MAGI2: variants seen among roughly 807,000 people sequenced by gnomAD.
The protein encoded by MAGI2 is membrane-associated guanylate kinase, WW and PDZ domain-containing protein 2.
Under a neutral mutation model 133.3 loss-of-function variants are expected in MAGI2, and 35 were observed. The ratio of observed to expected loss-of-function variants is 0.26; its 90% CI spans 0.20 to 0.35. The LOEUF is 0.35. MAGI2 is among the 10% of genes least tolerant of loss of function. The pLI is 1.00. For synonymous variants in MAGI2, 729 were observed against 710.6 expected, an observed-to-expected ratio of 1.03 and a Z score of -0.41; for missense variants, 1,636 against 1,863.4, an observed-to-expected ratio of 0.88 and a Z score of 2.25.
intron 2 of MAGI2, among the ~76,000 whole-genome samples, chr7:78,925,427 G>T (rs1312610628): frequency 1.3e-5 from 2 of 151,920 alleles, no homozygotes; most frequent in South Asian, 2.1e-4. Context: ...ATTAAATATT[G>T]TAGATATTAG....
intron 1 of MAGI2, among the ~76,000 whole-genome samples, chr7:79,064,792 T>C (rs934793805): frequency 6.6e-6 from 1 of 152,128 alleles, no homozygotes; most frequent in Non-Finnish European, 1.5e-5. Flanking sequence ...GGTGGCTAGA[T>C]TCGGCTGTTT....
chr7:78,376,929 T>G lies in MAGI2; in HGVS notation c.1046-7716A>C, dbSNP rs183002231. On this transcript the variant is annotated intron_variant, in intron 6 of 21. Coordinates refer to ENST00000354212, the MANE Select transcript of MAGI2 (RefSeq NM_012301.4). ...TTTTGTCTTTATATTTCTAGTAATC[T>G]GTAGAAAGGGCTGGCTACAAAGAAA... Among the ~76,000 whole-genome samples the G allele has an allele frequency of 3.9e-5, 6 of 152,260 alleles. No individual in the cohort carries two copies. In the East Asian group the frequency reaches 1.2e-3, roughly 29 times the overall value.
At chr7:79,293,445 C>T (rs1045571533) in intron 1 of MAGI2, among the ~76,000 whole-genome samples, 3 of 152,152 alleles carry the variant, frequency 2.0e-5, no homozygotes, top group African/African-American at 2.4e-5. Context: ...ATGCTTCACA[C>T]AGTTTGCATT....
intron 6 of MAGI2, among the ~76,000 whole-genome samples, chr7:78,389,590 A>G (rs1795713788): frequency 6.6e-6 from 1 of 152,192 alleles, no homozygotes; most frequent in Non-Finnish European, 1.5e-5. Context: ...ATATTTGGGT[A>G]GCACACGGAA....
chr7:78,724,337 C>T (rs766156765), intron 2 of MAGI2, among the ~76,000 whole-genome samples: 1 of 152,148 alleles, frequency 6.6e-6, no homozygotes, highest in South Asian at 2.1e-4. Flanking sequence ...AGTAATGGAG[C>T]TTTACTAAAA....
At position 78,650,468 on chromosome 7, in the gene MAGI2, A is replaced by T. The variant is rs560091254; in HGVS notation, c.419-23229T>A. ...TCATTTCCATGGGAGTAAGCAAAGG[A>T]AAAAGAGCTGGGTCCCAAAGAACTA... is the stretch of plus-strand genomic sequence containing the variant. On this transcript the variant is annotated intron_variant, in intron 2 of 21. Coordinates refer to ENST00000354212, the MANE Select transcript of MAGI2 (RefSeq NM_012301.4). Among the ~76,000 whole-genome samples, 6 of 152,244 alleles carry T rather than the reference A, an allele frequency of 3.9e-5. No homozygotes were observed. The East Asian group carries it at 1.2e-3, about 29-fold the overall frequency.
At chr7:78,478,447 G>A (rs535685990) in intron 6 of MAGI2, among the ~76,000 whole-genome samples, 1 of 151,940 alleles carries the variant, frequency 6.6e-6, no homozygotes, top group South Asian at 2.1e-4. Flanking sequence ...TATTAGATCA[G>A]ACCCCTAAAT....
At chr7:79,127,721 T>C in intron 1 of MAGI2, among the ~76,000 whole-genome samples, 1 of 152,200 alleles carries the variant, frequency 6.6e-6, no homozygotes, top group Non-Finnish European at 1.5e-5. Context: ...ATGAGTAGGT[T>C]GCAAAAATTT....
At chr7:78,787,274 A>G (rs1351168168) in intron 2 of MAGI2, among the ~76,000 whole-genome samples, 2 of 152,210 alleles carry the variant, frequency 1.3e-5, no homozygotes, top group Admixed American at 6.5e-5. Context: ...CAAGATGGAA[A>G]GGAAACCTTG....
chr7:78,512,464 G>C (rs1022697066), intron 4 of MAGI2, among the ~76,000 whole-genome samples: 1 of 152,116 alleles, frequency 6.6e-6, no homozygotes, highest in Admixed American at 6.5e-5. Context: ...GGAGTGTAGT[G>C]GTGCGATCTC....
intron 1 of MAGI2, among the ~76,000 whole-genome samples, chr7:79,104,581 C>T (rs1460998121): frequency 1.3e-5 from 2 of 151,936 alleles, no homozygotes; most frequent in East Asian, 1.9e-4. Flanking sequence ...GCAGGAGAAT[C>T]GCTTGAACCT....
chr7:78,873,631 A>G (rs1322492177), intron 2 of MAGI2, among the ~76,000 whole-genome samples: 1 of 152,080 alleles, frequency 6.6e-6, no homozygotes, highest in Non-Finnish European at 1.5e-5. Flanking sequence ...ATATTATGAT[A>G]TAATAATAAT....
intron 2 of MAGI2, among the ~76,000 whole-genome samples, chr7:78,659,974 G>C (rs1314009175): frequency 6.6e-6 from 1 of 152,098 alleles, no homozygotes; most frequent in Non-Finnish European, 1.5e-5. Flanking sequence ...TCCTTTTAGG[G>C]GCATGGATGA....
chr7:78,875,668 C>A (rs544823426), intron 2 of MAGI2, among the ~76,000 whole-genome samples: 4 of 152,064 alleles, frequency 2.6e-5, no homozygotes, highest in African/African-American at 9.6e-5. Context: ...TATAAAATGA[C>A]CAATTTCAAC....
At chr7:79,113,293 T>A (rs561756634) in intron 1 of MAGI2, among the ~76,000 whole-genome samples, 1 of 152,328 alleles carries the variant, frequency 6.6e-6, no homozygotes, top group Non-Finnish European at 1.5e-5. Context: ...AGTGCCAACC[T>A]TCCCATGGTG....
chr7:79,315,596 C>A lies in MAGI2; in HGVS notation c.301+137424G>T, dbSNP rs62458965. ...TTTACAAGTTCAAATGATATGACAA[C>A]GTACCACAGCTGTATCATAAATCCT... On this transcript the variant is annotated intron_variant, in intron 1 of 21. Coordinates refer to ENST00000354212, the MANE Select transcript of MAGI2 (RefSeq NM_012301.4). Among the ~76,000 whole-genome samples the A allele has an allele frequency of 6.7e-3, 1,020 of 152,140 alleles. 6 individuals carry two copies. The highest frequency in any genetic ancestry group is 0.023 in the African/African-American group (967 of 41,496).
intron 2 of MAGI2, among the ~76,000 whole-genome samples, chr7:78,704,949 C>A (rs770498730): frequency 6.6e-6 from 1 of 151,842 alleles, no homozygotes; most frequent in African/African-American, 2.4e-5. Context: ...GGGAGCTAAA[C>A]ACTGAGTACA....
At chr7:78,302,428 G>C (rs1445182339) in intron 9 of MAGI2, among the ~76,000 whole-genome samples, 1 of 152,152 alleles carries the variant, frequency 6.6e-6, no homozygotes, top group Non-Finnish European at 1.5e-5. Context: ...TCAATCTGGT[G>C]GGCAGGTGAC....
intron 1 of MAGI2, among the ~76,000 whole-genome samples, chr7:79,058,988 G>C (rs1392561650): frequency 1.3e-5 from 2 of 152,046 alleles, no homozygotes; most frequent in Non-Finnish European, 2.9e-5. Flanking sequence ...GGCATACTCA[G>C]TATAGTAAGT....
Sources: gnomAD v4.1 joint callset for allele counts (sites outside exome capture counted in the v4.1 genomes callset) on GRCh38, gnomAD v4.1.1 for gene constraint, MANE v1.5 for transcripts, NCBI Gene and HGNC (gene_info 2026-07-23, HGNC 2026-07-21) for gene names.